Variants in ZBBX observed in about 807,000 individuals in gnomAD.
The protein encoded by ZBBX is zinc finger B-box domain containing.
In ZBBX, 101 loss-of-function variants were observed where a neutral mutation model predicts 108.5. The ratio of observed to expected loss-of-function variants is 0.93; its 90% CI spans 0.79 to 1.10. The LOEUF is 1.10. ZBBX is among the 50% of genes least tolerant of loss of function. The pLI is 0.00. For missense variants in ZBBX, 1,009 were observed against 941.4 expected, an observed-to-expected ratio of 1.07 and a Z score of -0.94; for synonymous variants, 356 against 323.4, an observed-to-expected ratio of 1.10 and a Z score of -1.08.
intron 19 of ZBBX, among the ~76,000 whole-genome samples, chr3:167,283,958 C>T (rs929429904): frequency 2.6e-5 from 4 of 151,988 alleles, no homozygotes; most frequent in Non-Finnish European, 5.9e-5. Context: ...GTGTCTAATA[C>T]CTCAAGAAGA....
the ZBBX span, among the ~76,000 whole-genome samples, chr3:167,203,843 AG>A: frequency 6.6e-6 from 1 of 152,180 alleles, no homozygotes; most frequent in Non-Finnish European, 1.5e-5. Context: ...AGTTGATGCA[AG>A]GTTATTTTCC....
chr3:167,364,512 C>T (rs920384222), intron 6 of ZBBX, among the ~76,000 whole-genome samples: 19 of 151,836 alleles, frequency 1.3e-4, no homozygotes, highest in African/African-American at 4.4e-4. Context: ...TGAGAGCTTA[C>T]ATGTCAAATC....
At chr3:167,296,603 A>G (rs1265341153) in intron 18 of ZBBX, among the ~76,000 whole-genome samples, 1 of 152,040 alleles carries the variant, frequency 6.6e-6, no homozygotes, top group East Asian at 1.9e-4. Flanking sequence ...GGAAAAGGAA[A>G]TTAAAGAAAC....
intron 12 of ZBBX, among the ~76,000 whole-genome samples, chr3:167,318,148 A>G (rs1213631907): frequency 6.6e-6 from 1 of 152,000 alleles, no homozygotes; most frequent in Non-Finnish European, 1.5e-5. Context: ...GAAGCCCAGG[A>G]ATTCACAGAG....
At chr3:167,285,673 C>T (rs1729572192) in intron 19 of ZBBX, among the ~76,000 whole-genome samples, 1 of 152,104 alleles carries the variant, frequency 6.6e-6, no homozygotes, top group South Asian at 2.1e-4. Context: ...ACTCTGAGAG[C>T]TTGTGAATTA....
intron 1 of ZBBX, among the ~76,000 whole-genome samples, chr3:167,386,619 T>C (rs1475059559): frequency 6.6e-6 from 1 of 152,102 alleles, no homozygotes; most frequent in Non-Finnish European, 1.5e-5. Flanking sequence ...TTAGTTTATT[T>C]GCTTTAAGTT....
intron 1 of ZBBX, among the ~76,000 whole-genome samples, chr3:167,395,188 T>C (rs941378144): frequency 1.3e-5 from 2 of 152,054 alleles, no homozygotes; most frequent in African/African-American, 2.4e-5. Flanking sequence ...AAAAATAATA[T>C]GGGGATTTAT....
chr3:167,247,392 C>T (rs1053984833), intron 20 of ZBBX, among the ~76,000 whole-genome samples: 2 of 152,118 alleles, frequency 1.3e-5, no homozygotes, highest in Non-Finnish European at 2.9e-5. Context: ...AGGGGAAAAC[C>T]ATCTCCCTTC....
chr3:167,298,294 T>C lies in ZBBX; in HGVS notation c.1879+11A>G, dbSNP rs1732020449. 1.9e-6 allele frequency: 3 copies of C among 1,584,382 alleles called. No individual in the cohort carries two copies. Among genetic ancestry groups the C allele is most frequent in the Non-Finnish European group, 2.6e-6 (3 of 1,167,236 alleles). ...AACAGACTGTTTTAGAAAAATGAGCTAGAAATTTACCTGCAAGTGTAATCC... is the reference window on the plus strand; with the variant it reads ...AACAGACTGTTTTAGAAAAATGAGCCAGAAATTTACCTGCAAGTGTAATCC... On this transcript the variant is annotated intron_variant, in intron 18 of 21. Coordinates refer to ENST00000675490, the MANE Select transcript of ZBBX (RefSeq NM_001199201.2).
chr3:167,374,309 T>C (rs1394195840), intron 2 of ZBBX, among the ~76,000 whole-genome samples: 1 of 152,192 alleles, frequency 6.6e-6, no homozygotes, highest in Non-Finnish European at 1.5e-5. Context: ...AAGGATTTTC[T>C]GCTTAACTTT....
chr3:167,349,906 T>G (rs1742338477), intron 9 of ZBBX, among the ~76,000 whole-genome samples: 1 of 152,006 alleles, frequency 6.6e-6, no homozygotes, highest in African/African-American at 2.4e-5. Context: ...GGGTTTGAGT[T>G]TAGGCATTTC....
chr3:167,388,006 C>T (rs1443119407), intron 1 of ZBBX, among the ~76,000 whole-genome samples: 1 of 152,008 alleles, frequency 6.6e-6, no homozygotes, highest in South Asian at 2.1e-4. Context: ...AAGTAACAAC[C>T]TATTTGTTTT....
intron 8 of ZBBX, among the ~76,000 whole-genome samples, chr3:167,356,412 T>TA (rs1251212933): frequency 6.6e-6 from 1 of 152,082 alleles, no homozygotes; most frequent in Non-Finnish European, 1.5e-5. Context: ...AGAGTCCAGT[T>TA]AAAATTGCCA....
chr3:167,282,108 T>C (rs1218102660), intron 20 of ZBBX, 130 bp downstream of exon 20: 4 of 997,094 alleles, frequency 4.0e-6, no homozygotes, highest in East Asian at 2.6e-5. Flanking sequence ...GACACAACGG[T>C]TGATGGTTAA....
At chr3:167,296,113 A>G (rs1039804318) in intron 18 of ZBBX, among the ~76,000 whole-genome samples, 1 of 152,054 alleles carries the variant, frequency 6.6e-6, no homozygotes, top group Non-Finnish European at 1.5e-5. Context: ...AAAATCCATC[A>G]GTGTAATACA....
intron 17 of ZBBX, among the ~76,000 whole-genome samples, chr3:167,300,877 A>T (rs910962860): frequency 4.7e-5 from 7 of 149,948 alleles, no homozygotes; most frequent in Admixed American, 4.7e-4. Context: ...CAGCCTCCCA[A>T]AGTGCTGGGA....
chr3:167,207,386 G>T, the ZBBX span, among the ~76,000 whole-genome samples: 1 of 152,050 alleles, frequency 6.6e-6, no homozygotes, highest in Non-Finnish European at 1.5e-5. Context: ...TCCTAGTGTG[G>T]TCCCCTCCAC....
rs762472290 is a variant in ZBBX, at chr3:167,305,892, G to A, written c.1476C>T (p.Asp492=). 8.7e-6 allele frequency: 14 copies of A among 1,607,008 alleles called. No individual in the cohort carries two copies. In the South Asian group the frequency reaches 1.5e-4, roughly 17 times the overall value. Residue 492 remains aspartate, a synonymous_variant, in exon 17 of 22, where the codon GAC becomes GAT. Coordinates refer to ENST00000675490, the MANE Select transcript of ZBBX (RefSeq NM_001199201.2). Reference sequence around the variant, plus strand: ...AGGTGCTTTCCTCAATTTTTTCAATGTCAGAAGAATACACATCAGGATCCA... The same window carrying A: ...AGGTGCTTTCCTCAATTTTTTCAATATCAGAAGAATACACATCAGGATCCA... ...NIVDPDVYSS[D]IEKIEESTSF...
At chr3:167,368,108 T>C (rs1745615462) in intron 5 of ZBBX, among the ~76,000 whole-genome samples, 1 of 151,120 alleles carries the variant, frequency 6.6e-6, no homozygotes, top group Non-Finnish European at 1.5e-5. Context: ...TGGTGTTTAT[T>C]TGTTATTGAT....
Sources: gnomAD v4.1 joint callset for allele counts (sites outside exome capture counted in the v4.1 genomes callset) on GRCh38, gnomAD v4.1.1 for gene constraint, MANE v1.5 for transcripts, NCBI Gene and HGNC (gene_info 2026-07-23, HGNC 2026-07-21) for gene names.